Variants in GRIN3A observed in about 807,000 individuals in gnomAD.
The protein encoded by GRIN3A is glutamate ionotropic receptor NMDA type subunit 3A.
Under a neutral mutation model 92.4 loss-of-function variants are expected in GRIN3A, and 47 were observed. The ratio of observed to expected loss-of-function variants is 0.51; its 90% CI spans 0.40 to 0.65. The LOEUF (loss-of-function observed/expected upper bound fraction) is 0.65. Among genes scored for constraint, GRIN3A ranks in the 30% least tolerant of loss-of-function variants. The probability of loss-of-function intolerance (pLI) is 0.00; values close to 1 mark genes in which losing one functional copy is unlikely to be tolerated. For synonymous variants in GRIN3A, 527 were observed against 540.6 expected (o/e 0.97, Z 0.35); for missense variants, 1,324 against 1,393.1 (o/e 0.95, Z 0.79).
rs770519086 is a variant in GRIN3A, at chr9:101,573,558, C to G, written c.3009-45G>C. On this transcript the variant is annotated intron_variant, in intron 8 of 8. Transcript: ENST00000361820. ...TAGATTTACTTTCCATTCTGCAGCT[C>G]TCAAGGTGCTGTCTTCATCTGTTAG... The G allele has an allele frequency of 2.1e-6, 3 of 1,434,356 alleles. No individual in the cohort carries two copies. In the South Asian group the frequency reaches 3.4e-5, roughly 16 times the overall value. The allele number at this position is 1,434,356 out of a possible 1,614,324, so 88.9% of individuals were successfully genotyped here.
rs907200162 is a variant in GRIN3A at position 101,572,823 on chromosome 9, A to G, written c.*351T>C. The G allele has an allele frequency of 2.8e-5, 8 of 288,744 alleles. No homozygotes were observed. The Admixed American group carries it at 3.7e-4, about 13-fold the overall frequency. The allele number at this position is 288,744 out of a possible 1,614,324, so 17.9% of individuals were successfully genotyped here. A position where few individuals can be genotyped will look rare whatever the true frequency, so the allele number is the denominator to read the frequency against. ...AGACATAAGTGTGAGTAACAATTTT[A>G]TCTCTTGTTGGTAGTGCAGAGAAAG... On this transcript the variant is annotated 3_prime_UTR_variant, in exon 9 of 9. Coordinates refer to ENST00000361820, the MANE Select transcript of GRIN3A (RefSeq NM_133445.3).
intron 5 of GRIN3A, among the ~76,000 whole-genome samples, chr9:101,619,178 T>C (rs931404979): frequency 5.9e-5 from 9 of 152,168 alleles, no homozygotes; most frequent in Non-Finnish European, 7.4e-5. Flanking sequence ...GTTTTGAAAA[T>C]AGCATCTCAG....
At chr9:101,609,518 G>T (rs1304650582) in intron 6 of GRIN3A, among the ~76,000 whole-genome samples, 2 of 152,132 alleles carry the variant, frequency 1.3e-5, no homozygotes, top group African/African-American at 4.8e-5. Flanking sequence ...GAAATGTATG[G>T]CTTCAAATGT....
At position 101,670,681 on chromosome 9, in the gene GRIN3A, A is replaced by G. The variant is rs528228856; in HGVS notation, c.1731T>C (p.Tyr577=). 665 of 1,614,038 alleles carry G rather than the reference A, an allele frequency of 4.1e-4. 5 individuals carry two copies. In the South Asian group the frequency reaches 6.8e-3, roughly 17 times the overall value. The change falls in exon 3 of 9, where the codon TAT becomes TAC. Residue 577 remains tyrosine, a synonymous_variant. Transcript: ENST00000361820. ...TTTCCAGCAGATCAATGCAATATCC[A>G]TAGCAGCACTTCTTGAATTTAATGG... ...TVPIKFKKCC[Y]GYCIDLLEKI...
intron 3 of GRIN3A, among the ~76,000 whole-genome samples, chr9:101,647,235 T>G (rs2093683): frequency 0.13 from 19,906 of 151,916 alleles, 1,586 homozygotes; most frequent in Admixed American, 0.19. Flanking sequence ...GCTTTTTCAG[T>G]ATCTCTTGAA....
At chr9:101,649,232 G>A (rs867350588) in intron 3 of GRIN3A, among the ~76,000 whole-genome samples, 52 of 151,984 alleles carry the variant, frequency 3.4e-4, no homozygotes, top group African/African-American at 1.2e-3. Flanking sequence ...CTCCATGTGA[G>A]CACATGGAAT....
chr9:101,725,861 C>T (rs957688294), intron 1 of GRIN3A, among the ~76,000 whole-genome samples: 5 of 152,204 alleles, frequency 3.3e-5, no homozygotes, highest in Non-Finnish European at 7.3e-5. Context: ...ACTTCATTCT[C>T]TGCTCAAATG....
At chr9:101,736,382 T>C (rs12340365) in intron 1 of GRIN3A, among the ~76,000 whole-genome samples, 118,983 of 152,256 alleles carry the variant, frequency 0.78, 46,580 homozygotes, top group Middle Eastern at 0.86. Context: ...TCTGTCTTGT[T>C]CTTAAAGATT....
At chr9:101,641,828 A>T (rs1012383974) in intron 3 of GRIN3A, among the ~76,000 whole-genome samples, 7 of 151,914 alleles carry the variant, frequency 4.6e-5, no homozygotes, top group Non-Finnish European at 8.8e-5. Flanking sequence ...AAAAAAGTTG[A>T]CTTAGAAACT....
chr9:101,580,928 A>T (rs555508239), intron 6 of GRIN3A, among the ~76,000 whole-genome samples: 9 of 152,308 alleles, frequency 5.9e-5, no homozygotes, highest in African/African-American at 2.2e-4. Context: ...TTGCTAAGTG[A>T]TTTGTGTAGA....
At chr9:101,643,197 A>G (rs893823666) in intron 3 of GRIN3A, among the ~76,000 whole-genome samples, 1 of 151,926 alleles carries the variant, frequency 6.6e-6, no homozygotes, top group African/African-American at 2.4e-5. Context: ...TCAATAGCAA[A>G]CAAACAAACA....
intron 6 of GRIN3A, among the ~76,000 whole-genome samples, chr9:101,583,202 G>A (rs113569773): frequency 0.023 from 3,437 of 152,278 alleles, 126 homozygotes; most frequent in African/African-American, 0.078. Context: ...ACTGTCTGAT[G>A]CCAAAGCCTG....
At chr9:101,660,393 C>A (rs532479357) in intron 3 of GRIN3A, among the ~76,000 whole-genome samples, 1 of 151,900 alleles carries the variant, frequency 6.6e-6, no homozygotes, top group East Asian at 2.0e-4. Context: ...GTGCTCCCAC[C>A]CTCTACCTCA....
intron 2 of GRIN3A, among the ~76,000 whole-genome samples, chr9:101,684,374 G>C (rs1362508870): frequency 6.8e-6 from 1 of 147,830 alleles, no homozygotes; most frequent in Non-Finnish European, 1.5e-5. Context: ...GCCTCCCAAA[G>C]TGCTGGGATT....
At chr9:101,594,705 TG>T (rs1365973828) in intron 6 of GRIN3A, 14 of 1,614,086 alleles carry the variant, frequency 8.7e-6, no homozygotes, top group Non-Finnish European at 1.2e-5. Context: ...ATGAATTCCT[TG>T]AAGTCCACTT....
In GRIN3A at chr9:101,654,002, T is replaced by C. The variant is rs116608218; in HGVS notation, c.2352+16058A>G. The stretch of plus-strand genomic sequence containing the variant: ...GCTCTTTCTGGGCTTTTCCATTTGG[T>C]GGCAATCTTTGTATTCTCCAAAATG... On this transcript the variant is annotated intron_variant, in intron 3 of 8. Coordinates refer to ENST00000361820, the MANE Select transcript of GRIN3A (RefSeq NM_133445.3). Among the ~76,000 whole-genome samples the C allele has an allele frequency of 5.3e-3, 813 of 151,990 alleles. 12 individuals carry two copies. The highest frequency in any genetic ancestry group is 0.031 in the Middle Eastern group (9 of 294).
At chr9:101,723,320 GGTGA>G (rs1455354754) in intron 1 of GRIN3A, among the ~76,000 whole-genome samples, 1 of 151,920 alleles carries the variant, frequency 6.6e-6, no homozygotes, top group Non-Finnish European at 1.5e-5. Context: ...AGACCTTCGC[GGTGA>G]GTGTTACAGC....
intron 3 of GRIN3A, among the ~76,000 whole-genome samples, chr9:101,651,073 A>G (rs1181554968): frequency 1.3e-5 from 2 of 151,964 alleles, no homozygotes; most frequent in Admixed American, 6.6e-5. Flanking sequence ...AGAATCTGTC[A>G]TAGTGCCTTA....
intron 2 of GRIN3A, among the ~76,000 whole-genome samples, chr9:101,681,247 T>G (rs114844419): frequency 6.6e-6 from 1 of 152,158 alleles, no homozygotes; most frequent in Admixed American, 6.5e-5. Context: ...TTTTGAGAAA[T>G]AAAAACAATG....
Sources: allele counts gnomAD v4.1 joint callset (sites outside exome capture counted in the v4.1 genomes callset), GRCh38; gene constraint gnomAD v4.1.1; transcripts MANE v1.5; gene names NCBI Gene and HGNC (gene_info 2026-07-23, HGNC 2026-07-21).